The following KLHL38 variants were observed in gnomAD, a reference collection of about 807,000 sequenced individuals.
KLHL38 encodes the protein kelch like family member 38, also known as kelch-like protein 38.
In KLHL38, 38 loss-of-function variants were observed where a neutral mutation model predicts 39.6. The ratio of observed to expected loss-of-function variants is 0.96; its 90% CI spans 0.74 to 1.26. The LOEUF (loss-of-function observed/expected upper bound fraction) is 1.26. KLHL38 is among the 50% of genes most tolerant of loss of function. The pLI, the probability that KLHL38 is intolerant of heterozygous loss-of-function variation, is 0.00. For missense variants in KLHL38, 803 were observed against 748.1 expected (o/e 1.07, Z -0.86); for synonymous variants, 322 against 302.2 (o/e 1.07, Z -0.68).
At chr8:123,650,607 A>G (rs1352377509) in intron 2 of KLHL38, among the ~76,000 whole-genome samples, 1 of 152,148 alleles carries the variant, frequency 6.6e-6, no homozygotes, top group African/African-American at 2.4e-5. Context: ...GGCAGGCTCA[A>G]TATTCACGTT....
In KLHL38 at chr8:123,653,743, G is replaced by A. The variant is rs189452063; in HGVS notation, c.-159C>T. Among the ~76,000 whole-genome samples the A allele has an allele frequency of 1.2e-3, 182 of 152,308 alleles. No individual in the cohort carries two copies. Among genetic ancestry groups the A allele is most frequent in the African/African-American group, 4.2e-3 (173 of 41,558 alleles). The stretch of plus-strand genomic sequence containing the variant: ...ATTTCTGGATTTGTTTATGCTGAAG[G>A]CACTTTCATAGTTTTCTAGAGCTTT... On this transcript the variant is annotated 5_prime_UTR_variant, in exon 1 of 4. Transcript: ENST00000684634.
intron 2 of KLHL38, among the ~76,000 whole-genome samples, chr8:123,649,319 G>A (rs1812593577): frequency 6.6e-6 from 1 of 152,096 alleles, no homozygotes; most frequent in Non-Finnish European, 1.5e-5. Flanking sequence ...TAGAGGAGTG[G>A]GATTTGGAAC....
intron 3 of KLHL38, among the ~76,000 whole-genome samples, chr8:123,646,260 C>A (rs2129738741): frequency 6.6e-6 from 1 of 152,344 alleles, no homozygotes; most frequent in East Asian, 1.9e-4. Flanking sequence ...AGCATATAAG[C>A]CATTCTTAGA....
Position 123,652,008 on chromosome 8 carries a change from T to G in KLHL38, c.919A>C (p.Lys307Gln). ...QTTRDVLLYSKQTGQWQSLAK... is the reference protein window; with the variant it reads ...QTTRDVLLYSQQTGQWQSLAK... ...AGGCTCTGCCATTGGCCGGTCTGTT[T>G]GCTGTACAGTAGGACGTCCCTGGTG... The change falls in exon 2 of 4, where the codon AAA (lysine) becomes CAA (glutamine). Residue 307 changes from lysine to glutamine, a missense_variant. Coordinates refer to ENST00000684634, the MANE Select transcript of KLHL38 (RefSeq NM_001081675.3). 6.2e-7 allele frequency: 1 copy of G among 1,614,264 alleles called. No individual in the cohort carries two copies. The highest frequency in any genetic ancestry group is 8.5e-7 in the Non-Finnish European group (1 of 1,180,046).
At chr8:123,650,696 C>T (rs958015921) in intron 2 of KLHL38, among the ~76,000 whole-genome samples, 1 of 152,174 alleles carries the variant, frequency 6.6e-6, no homozygotes, top group African/African-American at 2.4e-5. Context: ...GAGCATACTT[C>T]TCAGACAGCT....
chr8:123,652,176 T>G lies in KLHL38; in HGVS notation c.751A>C (p.Ile251Leu). The change falls in exon 2 of 4, where the codon ATC (isoleucine) becomes CTC (leucine). Residue 251 changes from isoleucine to leucine, a missense_variant. Physicochemically the swap from Ile to Leu is conservative, Grantham distance 5 (BLOSUM62 2). Coordinates refer to ENST00000684634, the MANE Select transcript of KLHL38 (RefSeq NM_001081675.3). ...LLQSSPACQI[I>L]LETAKRQMFS... is the part of the protein sequence containing the mutation. The stretch of plus-strand genomic sequence containing the variant: ...ATCTGTCTCTTGGCGGTCTCCAAGA[T>G]GATCTGGCATGCAGGCGAGGACTGC... 6.2e-7 allele frequency: 1 copy of G among 1,614,164 alleles called. No homozygotes were observed. Among genetic ancestry groups the G allele is most frequent in the Non-Finnish European group, 8.5e-7 (1 of 1,180,020 alleles).
chr8:123,645,864 C>T lies in KLHL38; in HGVS notation c.1621G>A (p.Ala541Thr), dbSNP rs375307692. ...LTTDCNIEDSASFDCYDPETD... is the reference protein window; with the variant it reads ...LTTDCNIEDSTSFDCYDPETD... ...TCGGGGTCGTAGCAATCGAAGGAGGCGGAGTCCTCAATGTTGCAGTCCGTG... is the reference window on the plus strand; with the variant it reads ...TCGGGGTCGTAGCAATCGAAGGAGGTGGAGTCCTCAATGTTGCAGTCCGTG... Residue 541 changes from alanine to threonine, a missense_variant, in exon 4 of 4, where the codon GCC (alanine) becomes ACC (threonine). Physicochemically the swap from Ala to Thr is moderately conservative, Grantham distance 58 (BLOSUM62 0). Coordinates refer to ENST00000684634, the MANE Select transcript of KLHL38 (RefSeq NM_001081675.3). 5.0e-5 allele frequency: 80 copies of T among 1,613,832 alleles called. No individual in the cohort carries two copies. The Middle Eastern group carries it at 1.3e-3, about 27-fold the overall frequency.
At chr8:123,651,492 A>T in intron 2 of KLHL38, 85 bp downstream of exon 2, 1 of 1,400,942 alleles carries the variant, frequency 7.1e-7, no homozygotes, top group South Asian at 1.4e-5. Flanking sequence ...GTATGTATAC[A>T]TGTGCATGTG....
chr8:123,648,699 G>A (rs545457975), intron 2 of KLHL38, among the ~76,000 whole-genome samples: 5 of 152,318 alleles, frequency 3.3e-5, no homozygotes, highest in African/African-American at 7.2e-5. Context: ...TCAAGGAAGC[G>A]ATATTTTGTT....
chr8:123,650,050 T>C (rs1812611149), intron 2 of KLHL38, among the ~76,000 whole-genome samples: 1 of 151,808 alleles, frequency 6.6e-6, no homozygotes, highest in African/African-American at 2.4e-5. Flanking sequence ...TTACATGCTT[T>C]CTTAGCACCC....
intron 2 of KLHL38, among the ~76,000 whole-genome samples, chr8:123,647,755 A>G (rs1334408369): frequency 6.6e-6 from 1 of 152,230 alleles, no homozygotes; most frequent in Non-Finnish European, 1.5e-5. Context: ...ATGGCATAGT[A>G]TTCTTTGCTA....
intron 2 of KLHL38, among the ~76,000 whole-genome samples, chr8:123,651,109 T>C (rs1023359944): frequency 4.2e-4 from 64 of 152,332 alleles, no homozygotes; most frequent in African/African-American, 1.5e-3. Flanking sequence ...TTGAAAAATA[T>C]CTTGCTGAAA....
chr8:123,652,491 AG>A lies in KLHL38; in HGVS notation c.435del (p.Leu146Ter). On this transcript the variant is annotated frameshift_variant, in exon 2 of 4. Coordinates refer to ENST00000684634, the MANE Select transcript of KLHL38 (RefSeq NM_001081675.3). LOFTEE classifies it high-confidence loss of function. The part of the protein sequence containing the change: ...NCLGMIRLSE[I>X]LSCETLKKKA... ...TTCTTCTTGAGGGTCTCGCAGCTTAAGATTTCTGAGAGTCTGATCATACCCA... is the reference window on the plus strand; with the variant it reads ...TTCTTCTTGAGGGTCTCGCAGCTTAAATTTCTGAGAGTCTGATCATACCCA... 1 of 1,614,172 alleles carries A rather than the reference AG, an allele frequency of 6.2e-7. No individual in the cohort carries two copies. Among genetic ancestry groups the A allele is most frequent in the Non-Finnish European group, 8.5e-7 (1 of 1,180,042 alleles).
rs757491017 is a variant in KLHL38 at position 123,652,685 on chromosome 8, T to G, written c.242A>C (p.Asp81Ala). The G allele has an allele frequency of 6.2e-7, 1 of 1,613,832 alleles. No individual in the cohort carries two copies. The highest frequency in any genetic ancestry group is 1.1e-5 in the South Asian group (1 of 91,052). The part of the protein sequence containing the change: ...SEAKVQLKGI[D>A]PPTLDQIVSY... ...GACGATCTGGTCCAGGGTTGGGGGGTCAATGCCTTTCAGCTGCACTTTGGC... is the reference window on the plus strand; with the variant it reads ...GACGATCTGGTCCAGGGTTGGGGGGGCAATGCCTTTCAGCTGCACTTTGGC... Residue 81 changes from aspartate (D) to alanine (A), a missense_variant, in exon 2 of 4, where the codon GAC (aspartate) becomes GCC (alanine). Coordinates refer to ENST00000684634, the MANE Select transcript of KLHL38 (RefSeq NM_001081675.3).
chr8:123,647,474 C>T (rs777290754), intron 2 of KLHL38, among the ~76,000 whole-genome samples: 16 of 152,092 alleles, frequency 1.1e-4, no homozygotes, highest in Non-Finnish European at 1.9e-4. Context: ...GGTTTTTGAA[C>T]CGTTCATGCC....
rs768991979 is a variant in KLHL38, at chr8:123,652,296, G to C, written c.631C>G (p.Arg211Gly). Residue 211 changes from arginine (R) to glycine (G), a missense_variant, in exon 2 of 4, where the codon CGG (arginine) becomes GGG (glycine). By Grantham distance (125) the Arg-to-Gly change is moderately radical. Coordinates refer to ENST00000684634, the MANE Select transcript of KLHL38 (RefSeq NM_001081675.3). ...AACAGTTCCTGCATGTATCGCTTCC[G>C]GGCCTGGAGGTCATGCTTGATCCAA... ...MVWIKHDLQA[R>G]KRYMQELFKQ... 1.2e-6 allele frequency: 2 copies of C among 1,613,992 alleles called. No individual in the cohort carries two copies. Among genetic ancestry groups the C allele is most frequent in the Non-Finnish European group, 8.5e-7 (1 of 1,180,038 alleles).
chr8:123,645,608 G>A lies in KLHL38; in HGVS notation c.*131C>T. The A allele has an allele frequency of 3.2e-6, 3 of 924,516 alleles. 1 individual carries two copies. The highest frequency in any genetic ancestry group is 1.6e-5 in the South Asian group (1 of 61,532). 57.3% of individuals were successfully genotyped at this position (924,516 alleles called of 1,614,324 possible). A position where few individuals can be genotyped will look rare whatever the true frequency, so the allele number is the denominator to read the frequency against. On this transcript the variant is annotated 3_prime_UTR_variant, in exon 4 of 4. Coordinates refer to ENST00000684634, the MANE Select transcript of KLHL38 (RefSeq NM_001081675.3). ...CTGGCAATGCAATGCCTAGTTCCAG[G>A]CCTCCCGACTCTGGTACCTCAGTCT...
intron 1 of KLHL38, 139 bp from the exon 2 acceptor site, chr8:123,653,066 G>T: frequency 1.2e-6 from 1 of 851,426 alleles, no homozygotes; most frequent in Non-Finnish European, 1.8e-6. Flanking sequence ...ATGTCACCAT[G>T]GATATTGTGT....
At chr8:123,649,337 C>T (rs913395582) in intron 2 of KLHL38, among the ~76,000 whole-genome samples, 1 of 152,046 alleles carries the variant, frequency 6.6e-6, no homozygotes, top group African/African-American at 2.4e-5. Context: ...AACAGCGATT[C>T]TAGAAAGACT....
Sources: gnomAD v4.1 joint callset for allele counts (sites outside exome capture counted in the v4.1 genomes callset) on GRCh38, gnomAD v4.1.1 for gene constraint, MANE v1.5 for transcripts, NCBI Gene and HGNC (gene_info 2026-07-23, HGNC 2026-07-21) for gene names.